TSHZ2: variants seen among roughly 807,000 people sequenced by gnomAD.
The protein encoded by TSHZ2 is teashirt homolog 2.
A neutral mutation model predicts 74.4 loss-of-function variants in TSHZ2; 21 were observed. The ratio of observed to expected loss-of-function variants is 0.28; its 90% CI spans 0.20 to 0.41. The LOEUF (loss-of-function observed/expected upper bound fraction) is 0.41, where lower values mean the gene tolerates loss of function less well. Ranked by LOEUF, TSHZ2 falls within the 10% of genes least tolerant of loss-of-function variation. The pLI, the probability that TSHZ2 is intolerant of heterozygous loss-of-function variation, is 1.00. For missense variants in TSHZ2, 1,244 were observed against 1,293.5 expected, an observed-to-expected ratio of 0.96 and a Z score of 0.59; for synonymous variants, 540 against 515.3, an observed-to-expected ratio of 1.05 and a Z score of -0.65.
At chr20:53,166,376 G>C (rs1988063333) in intron 1 of TSHZ2, among the ~76,000 whole-genome samples, 1 of 152,148 alleles carries the variant, frequency 6.6e-6, no homozygotes. Context: ...CCAACACTCT[G>C]GAAGGCTGAG....
chr20:53,457,186 A>G (rs1464469774), intron 2 of TSHZ2, among the ~76,000 whole-genome samples: 1 of 143,504 alleles, frequency 7.0e-6, no homozygotes, highest in Admixed American at 7.0e-5. Flanking sequence ...CTTCCTACCC[A>G]TGAGCATGGA....
intron 1 of TSHZ2, among the ~76,000 whole-genome samples, chr20:53,214,035 T>C (rs917143333): frequency 1.3e-5 from 2 of 152,200 alleles, no homozygotes; most frequent in African/African-American, 2.4e-5. Flanking sequence ...CGGCCTTACA[T>C]TGCTTCAAAT....
chr20:53,447,755 T>C (rs1476230017), intron 2 of TSHZ2, among the ~76,000 whole-genome samples: 3 of 152,194 alleles, frequency 2.0e-5, no homozygotes, highest in East Asian at 1.9e-4. Flanking sequence ...CATGATTGGA[T>C]TGATGCTATG....
At chr20:53,175,055 G>A (rs1232945882) in intron 1 of TSHZ2, among the ~76,000 whole-genome samples, 1 of 151,496 alleles carries the variant, frequency 6.6e-6, no homozygotes, top group Admixed American at 6.6e-5. Flanking sequence ...CGTAACGGGG[G>A]CAGCAAGAGG....
intron 1 of TSHZ2, among the ~76,000 whole-genome samples, chr20:53,214,979 C>T (rs1254684870): frequency 6.6e-6 from 1 of 151,968 alleles, no homozygotes; most frequent in Non-Finnish European, 1.5e-5. Flanking sequence ...AGGGAAGGGC[C>T]ATCTGAGGGA....
At chr20:53,243,494 C>G (rs1990119928) in intron 1 of TSHZ2, among the ~76,000 whole-genome samples, 1 of 152,184 alleles carries the variant, frequency 6.6e-6, no homozygotes, top group African/African-American at 2.4e-5. Context: ...CACGGCTCAA[C>G]TCCTAAGTGT....
chr20:53,122,388 T>A (rs1986836252), intron 1 of TSHZ2, among the ~76,000 whole-genome samples: 1 of 151,664 alleles, frequency 6.6e-6, no homozygotes, highest in South Asian at 2.1e-4. Context: ...AGCAGTAGCA[T>A]CTAGTTGAGT....
intron 2 of TSHZ2, among the ~76,000 whole-genome samples, chr20:53,404,006 T>A (rs1255973466): frequency 6.6e-6 from 1 of 152,236 alleles, no homozygotes; most frequent in Admixed American, 6.5e-5. Flanking sequence ...ATGCATTTTA[T>A]TTCATCATTA....
intron 1 of TSHZ2, among the ~76,000 whole-genome samples, chr20:52,995,683 G>A (rs1982160500): frequency 6.6e-6 from 1 of 150,462 alleles, no homozygotes; most frequent in Admixed American, 6.6e-5. Flanking sequence ...TGCAATCTTG[G>A]CTCACTGCAA....
At chr20:53,155,471 A>G (rs1451588496) in intron 1 of TSHZ2, among the ~76,000 whole-genome samples, 2 of 151,844 alleles carry the variant, frequency 1.3e-5, no homozygotes, top group African/African-American at 4.8e-5. Context: ...GGCAAACTCC[A>G]GGGGTAGCCA....
chr20:53,461,130 C>T (rs1985347077), intron 2 of TSHZ2, among the ~76,000 whole-genome samples: 1 of 152,164 alleles, frequency 6.6e-6, no homozygotes, highest in African/African-American at 2.4e-5. Context: ...GCGGGCGCCC[C>T]TCCCCCAGCC....
At chr20:53,146,656 C>A (rs1987547626) in intron 1 of TSHZ2, among the ~76,000 whole-genome samples, 1 of 152,022 alleles carries the variant, frequency 6.6e-6, no homozygotes, top group Non-Finnish European at 1.5e-5. Flanking sequence ...TGATGCAAGA[C>A]CAGGAGGTGA....
intron 2 of TSHZ2, among the ~76,000 whole-genome samples, chr20:53,403,300 C>A (rs11697117): frequency 7.2e-5 from 11 of 152,088 alleles, no homozygotes; most frequent in Non-Finnish European, 1.3e-4. Context: ...AAAACAACTA[C>A]CTCAAATCAC....
chr20:53,334,583 A>C (rs1464642484), intron 2 of TSHZ2, among the ~76,000 whole-genome samples: 1 of 152,090 alleles, frequency 6.6e-6, no homozygotes, highest in Non-Finnish European at 1.5e-5. Flanking sequence ...GGCCAAGGGG[A>C]GAAGCACTGA....
At chr20:53,009,163 CA>C (rs1317710901) in intron 1 of TSHZ2, among the ~76,000 whole-genome samples, 1 of 151,788 alleles carries the variant, frequency 6.6e-6, no homozygotes, top group Non-Finnish European at 1.5e-5. Context: ...CCAATCGCTA[CA>C]AAAAATATAT....
At chr20:53,043,485 ACT>A (rs1290404979) in intron 1 of TSHZ2, among the ~76,000 whole-genome samples, 3 of 151,904 alleles carry the variant, frequency 2.0e-5, no homozygotes, top group Non-Finnish European at 2.9e-5. Context: ...AGATTGAGAA[ACT>A]CTGCTTGTAA....
chr20:53,368,283 G>C (rs925222871), intron 2 of TSHZ2, among the ~76,000 whole-genome samples: 2 of 151,562 alleles, frequency 1.3e-5, no homozygotes, highest in South Asian at 2.1e-4. Context: ...TTTTGGACTC[G>C]ATGGTAATTT....
intron 1 of TSHZ2, among the ~76,000 whole-genome samples, chr20:53,073,831 C>T (rs541890096): frequency 6.6e-6 from 1 of 152,180 alleles, no homozygotes; most frequent in East Asian, 1.9e-4. Flanking sequence ...TTGAGACATG[C>T]ATGTTTAATT....
intron 1 of TSHZ2, among the ~76,000 whole-genome samples, chr20:52,985,493 A>T (rs1981719939): frequency 6.6e-6 from 1 of 152,178 alleles, no homozygotes; most frequent in Non-Finnish European, 1.5e-5. Context: ...GGGGATAATA[A>T]AACCCCCTTC....
Sources: allele counts gnomAD v4.1 joint callset (sites outside exome capture counted in the v4.1 genomes callset), GRCh38; gene constraint gnomAD v4.1.1; transcripts MANE v1.5; gene names NCBI Gene and HGNC (gene_info 2026-07-23, HGNC 2026-07-21).